CRHR2: variants seen among roughly 807,000 people sequenced by gnomAD.
CRHR2 encodes corticotropin-releasing hormone receptor 2.
In CRHR2, 53 loss-of-function variants were observed where a neutral mutation model predicts 57.9. The observed-to-expected ratio is 0.92, with a 90% CI of 0.73 to 1.15. The LOEUF (loss-of-function observed/expected upper bound fraction) is 1.15. Among genes scored for constraint, CRHR2 ranks in the 50% most tolerant of loss-of-function variants. CRHR2 has a pLI of 0.00. For missense variants in CRHR2, 532 were observed against 542.6 expected (o/e 0.98, Z 0.19); for synonymous variants, 213 against 220.9 (o/e 0.96, Z 0.32).
At chr7:30,697,590 G>C (rs1261695247) in intron 1 of CRHR2, among the ~76,000 whole-genome samples, 1 of 152,008 alleles carries the variant, frequency 6.6e-6, no homozygotes, top group African/African-American at 2.4e-5. Flanking sequence ...AGTGTGCCCT[G>C]GGCCAGGGCA....
intron 2 of CRHR2, among the ~76,000 whole-genome samples, chr7:30,678,299 C>T (rs555680896): frequency 6.6e-6 from 1 of 152,286 alleles, no homozygotes; most frequent in South Asian, 2.1e-4. Flanking sequence ...CTCAGTTTCC[C>T]CATGTGTAAA....
At chr7:30,689,228 C>T (rs1182520246) in exon 2 of CRHR2, 3 of 1,550,512 alleles carry the variant, frequency 1.9e-6, no homozygotes, top group Admixed American at 3.9e-5. Context: ...TGTGGCAGTA[C>T]TGCTCCAGAA....
chr7:30,682,118 C>G, intron 1 of CRHR2, 60 bp downstream of exon 1: 2 of 1,534,198 alleles, frequency 1.3e-6, no homozygotes, highest in Non-Finnish European at 1.7e-6. Flanking sequence ...GGGTCAGGGG[C>G]GCACCCAGCG....
chr7:30,660,639 C>T lies in CRHR2; in HGVS notation c.765G>A (p.Trp255Ter), dbSNP rs1453000119. The stretch of plus-strand genomic sequence containing the variant: ...CCAGGTCGCCAGGCTCCTTGCCAAA[C>T]CAGCACCTGTGAAGATGGGGTGGCT... ...GKLYYENEQC[W>*]FGKEPGDLVD... Residue 255 changes from tryptophan to a stop codon, truncating the protein, a stop_gained, in exon 8 of 12, where the codon TGG becomes TGA. Coordinates refer to ENST00000471646, the MANE Select transcript of CRHR2 (RefSeq NM_001883.5). LOFTEE classifies it high-confidence loss of function. 1.9e-6 allele frequency: 3 copies of T among 1,567,614 alleles called. No homozygotes were observed. Among genetic ancestry groups the T allele is most frequent in the East Asian group, 2.3e-5 (1 of 42,574 alleles).
At chr7:30,661,363 C>T (rs1225191472) in intron 7 of CRHR2, among the ~76,000 whole-genome samples, 1 of 152,176 alleles carries the variant, frequency 6.6e-6, no homozygotes, top group Non-Finnish European at 1.5e-5. Context: ...TCCCTGTCTC[C>T]CAGGGTTTCT....
chr7:30,689,368 A>T (rs1168700770), intron 1 of CRHR2: 85 of 1,114,628 alleles, frequency 7.6e-5, no homozygotes, highest in Non-Finnish European at 6.6e-6. Flanking sequence ...CTATCCTATC[A>T]CTCATCCCTT....
intron 6 of CRHR2, 123 bp from the exon 7 acceptor site, chr7:30,662,339 C>T: frequency 8.7e-7 from 1 of 1,151,426 alleles, no homozygotes; most frequent in East Asian, 2.5e-5. Flanking sequence ...GCAGGCCACC[C>T]ACAACCCCAG....
At chr7:30,670,966 C>A (rs766117516) in intron 2 of CRHR2, among the ~76,000 whole-genome samples, 4 of 152,192 alleles carry the variant, frequency 2.6e-5, no homozygotes, top group African/African-American at 9.6e-5. Context: ...CTGCCAAAAA[C>A]CCCCATTACA....
intron 1 of CRHR2, among the ~76,000 whole-genome samples, chr7:30,694,686 CATGT>C (rs1180379980): frequency 6.6e-6 from 1 of 152,040 alleles, no homozygotes; most frequent in East Asian, 1.9e-4. Flanking sequence ...CATTCCACCC[CATGT>C]TTGCTTTCAT....
At chr7:30,662,386 G>T (rs1784039019) in intron 6 of CRHR2, among the ~76,000 whole-genome samples, 170 bp from the exon 7 acceptor site, 1 of 152,286 alleles carries the variant, frequency 6.6e-6, no homozygotes, top group Admixed American at 6.5e-5. Context: ...CCATGCCCCT[G>T]CCCCTCTCTC....
Position 30,653,360 on chromosome 7 carries a change from C to T in CRHR2, c.*100G>A. 1.3e-6 allele frequency: 2 copies of T among 1,494,522 alleles called. No homozygotes were observed. The highest frequency in any genetic ancestry group is 1.3e-5 in the South Asian group (1 of 76,752). 92.6% of individuals were successfully genotyped at this position (1,494,522 alleles called of 1,614,324 possible). On this transcript the variant is annotated 3_prime_UTR_variant, in exon 12 of 12. Coordinates refer to ENST00000471646, the MANE Select transcript of CRHR2 (RefSeq NM_001883.5). The surrounding 1 kb of genome is among the most constrained non-coding windows in gnomAD (Gnocchi z 5.0). ...GCCAGGCTGGAGAGCTGGTCTCTCC[C>T]CTCCCATCTCCTGCCCCACGAGAGC...
intron 2 of CRHR2, among the ~76,000 whole-genome samples, chr7:30,673,317 C>G (rs1220962298): frequency 6.6e-6 from 1 of 152,130 alleles, no homozygotes; most frequent in Non-Finnish European, 1.5e-5. Flanking sequence ...TCAAGTGATC[C>G]TCCTGCCTCA....
At chr7:30,655,906 T>C (rs201990718) in intron 9 of CRHR2, 21 bp downstream of exon 9, 1 of 1,611,886 alleles carries the variant, frequency 6.2e-7, no homozygotes, top group East Asian at 2.2e-5. Flanking sequence ...CATTGTGGGG[T>C]CAAGGGACCC....
intron 2 of CRHR2, chr7:30,688,796 T>C (rs890532186): frequency 2.2e-6 from 1 of 458,772 alleles, no homozygotes; most frequent in East Asian, 6.9e-5. Context: ...GCCGGGCTGC[T>C]GCTTTGCAAG....
At chr7:30,670,765 T>C (rs1784331246) in intron 2 of CRHR2, among the ~76,000 whole-genome samples, 1 of 152,174 alleles carries the variant, frequency 6.6e-6, no homozygotes, top group African/African-American at 2.4e-5. Flanking sequence ...AGGCTAGAAT[T>C]GTGGGGCTGG....
rs1040589639 is a variant in CRHR2 at position 30,695,411 on chromosome 7, C to T, written c.-261+4533G>A. On this transcript the variant is annotated intron_variant, in intron 1 of 13. Coordinates refer to the CRHR2 transcript ENST00000341843. ...CTTCCCAGTTCCCCTCCAGCTCCCC[C>T]GGGAGGCTTTAGGCCTCTCCTCATT... Among the ~76,000 whole-genome samples, 5 of 152,216 alleles carry T rather than the reference C, an allele frequency of 3.3e-5. 1 individual carries two copies. Among genetic ancestry groups the T allele is most frequent in the South Asian group, 4.1e-4 (2 of 4,824 alleles).
chr7:30,660,352 G>A (rs1212186293), intron 8 of CRHR2, among the ~76,000 whole-genome samples: 1 of 152,268 alleles, frequency 6.6e-6, no homozygotes, highest in African/African-American at 2.4e-5. Flanking sequence ...GAGCCCTGAG[G>A]TCAGCAGAGT....
At chr7:30,659,238 T>G (rs41406244) in intron 8 of CRHR2, among the ~76,000 whole-genome samples, 68 of 152,328 alleles carry the variant, frequency 4.5e-4, no homozygotes, top group African/African-American at 1.4e-3. Context: ...AGCCAGAGAA[T>G]GGGTCTGGAA....
At chr7:30,687,385 G>A (rs745496995), upstream of CRHR2, among the ~76,000 whole-genome samples, 5 of 151,620 alleles carry the variant, frequency 3.3e-5, no homozygotes, top group African/African-American at 9.7e-5. Flanking sequence ...TTCACTCTGA[G>A]TTATAAGAGG....
Sources: allele counts gnomAD v4.1 joint callset (sites outside exome capture counted in the v4.1 genomes callset), GRCh38; gene constraint gnomAD v4.1.1; non-coding constraint Gnocchi (gnomAD v3.1); transcripts MANE v1.5; gene names NCBI Gene and HGNC (gene_info 2026-07-23, HGNC 2026-07-21).